Variants in MGMT observed in about 807,000 individuals in gnomAD.
MGMT encodes O-6-methylguanine-DNA methyltransferase.
A neutral mutation model predicts 15.9 loss-of-function variants in MGMT; 14 were observed. That is an observed-to-expected ratio of 0.88 (90% CI 0.58 to 1.37). The LOEUF is 1.37. Ranked by LOEUF, MGMT falls within the 40% of genes most tolerant of loss-of-function variation. MGMT has a pLI of 0.00. For synonymous variants in MGMT, 130 were observed against 118.2 expected, an observed-to-expected ratio of 1.10 and a Z score of -0.65; for missense variants, 282 against 268.1, an observed-to-expected ratio of 1.05 and a Z score of -0.36.
At chr10:129,580,513 A>C (rs1589877615) in intron 2 of MGMT, among the ~76,000 whole-genome samples, 1 of 152,264 alleles carries the variant, frequency 6.6e-6, no homozygotes, top group African/African-American at 2.4e-5. Flanking sequence ...TTCTAGGTCT[A>C]GACGTTCCTA....
intron 3 of MGMT, among the ~76,000 whole-genome samples, chr10:129,708,337 A>G (rs544391281): frequency 6.6e-6 from 1 of 152,324 alleles, no homozygotes; most frequent in Middle Eastern, 3.4e-3. Context: ...ACACATCTGA[A>G]TGGCAGTAAA....
chr10:129,667,207 T>C (rs1432807929), intron 2 of MGMT, among the ~76,000 whole-genome samples: 2 of 152,160 alleles, frequency 1.3e-5, no homozygotes, highest in Non-Finnish European at 2.9e-5. Context: ...TTTCTTCCCA[T>C]CTTTTCCTGC....
chr10:129,728,055 C>A (rs1420597239), intron 3 of MGMT, among the ~76,000 whole-genome samples: 1 of 152,156 alleles, frequency 6.6e-6, no homozygotes, highest in African/African-American at 2.4e-5. Context: ...TGAGGAGCTA[C>A]TCAAGGCATG....
intron 2 of MGMT, among the ~76,000 whole-genome samples, chr10:129,690,586 G>T (rs1210178185): frequency 6.6e-6 from 1 of 152,204 alleles, no homozygotes; most frequent in Non-Finnish European, 1.5e-5. Context: ...TGGGCTGCAC[G>T]CATGCTGGTC....
At chr10:129,700,109 T>C (rs1187315940) in intron 2 of MGMT, 3 of 152,194 alleles carry the variant, frequency 2.0e-5, no homozygotes, top group Non-Finnish European at 4.4e-5. Context: ...GGCGCATGAA[T>C]CACTGAGAAC....
At chr10:129,517,730 G>A (rs1227660516) in intron 1 of MGMT, among the ~76,000 whole-genome samples, 1 of 152,180 alleles carries the variant, frequency 6.6e-6, no homozygotes, top group Non-Finnish European at 1.5e-5. Context: ...TTTGCTCAGG[G>A]TGGGCTGAGG....
chr10:129,536,137 TG>T (rs1845980847), intron 1 of MGMT, 103 bp from the exon 2 acceptor site: 5 of 1,287,632 alleles, frequency 3.9e-6, no homozygotes, highest in South Asian at 1.3e-5. Context: ...GGAAGAGCTT[TG>T]GAATATATTT....
chr10:129,599,752 A>T (rs892583705), intron 2 of MGMT, among the ~76,000 whole-genome samples: 4 of 152,184 alleles, frequency 2.6e-5, no homozygotes, highest in African/African-American at 9.7e-5. Context: ...GGGTGTGCAT[A>T]TCTTTCTCTT....
chr10:129,698,823 AAGTT>A lies in MGMT; in HGVS notation c.126-9069_126-9066del, dbSNP rs374389856. ...AAATAATTAGTTTCAGTGAAAGAAT[AAGTT>A]AGCATATTGTATGCATCTAATGTTG... On this transcript the variant is annotated intron_variant, in intron 2 of 4. Coordinates refer to ENST00000651593, the MANE Select transcript of MGMT (RefSeq NM_002412.5). 3.0e-3 allele frequency among the ~76,000 whole-genome samples: 453 copies of A among 152,354 alleles called. 4 individuals are homozygous for A. The South Asian group carries it at 0.031, about 11-fold the overall frequency.
At chr10:129,570,830 T>C (rs1315128220) in intron 2 of MGMT, among the ~76,000 whole-genome samples, 1 of 152,198 alleles carries the variant, frequency 6.6e-6, no homozygotes, top group Non-Finnish European at 1.5e-5. Flanking sequence ...TAGACATTAA[T>C]TTAAAAATTC....
chr10:129,620,841 C>G (rs1419287210), intron 2 of MGMT, among the ~76,000 whole-genome samples: 4 of 152,076 alleles, frequency 2.6e-5, no homozygotes, highest in African/African-American at 9.7e-5. Flanking sequence ...CTGATTTTTT[C>G]ATTTGTACTT....
chr10:129,577,305 C>A (rs980718856), intron 2 of MGMT, among the ~76,000 whole-genome samples: 2 of 151,394 alleles, frequency 1.3e-5, no homozygotes, highest in African/African-American at 4.8e-5. Context: ...GCTACAGTAA[C>A]CAAAACAGCA....
At chr10:129,476,961 C>T (rs952201783) in intron 1 of MGMT, among the ~76,000 whole-genome samples, 1 of 152,264 alleles carries the variant, frequency 6.6e-6, no homozygotes, top group South Asian at 2.1e-4. Flanking sequence ...GCCGCATGGT[C>T]CTCGCAGCCT....
At position 129,652,749 on chromosome 10, in the gene MGMT, TCTGG is replaced by T. The variant is rs1395044348; in HGVS notation, c.126-55145_126-55142del. 7.9e-5 allele frequency among the ~76,000 whole-genome samples: 12 copies of T among 152,300 alleles called. No individual in the cohort carries two copies. In the South Asian group the frequency reaches 1.0e-3, roughly 13 times the overall value. On this transcript the variant is annotated intron_variant, in intron 2 of 4. Coordinates refer to ENST00000651593, the MANE Select transcript of MGMT (RefSeq NM_002412.5). Reference sequence around the variant, plus strand: ...CAGATGGCCGGCCGGCCTGCCTGCCTCTGGGAGGCCTCAGTGCCTGTTGGATTCC... The same window carrying T: ...CAGATGGCCGGCCGGCCTGCCTGCCTGAGGCCTCAGTGCCTGTTGGATTCC...
intron 1 of MGMT, among the ~76,000 whole-genome samples, chr10:129,508,990 G>C (rs1845653787): frequency 6.6e-6 from 1 of 152,174 alleles, no homozygotes; most frequent in Admixed American, 6.5e-5. Context: ...ATAATAAAAT[G>C]AAATTCAGTA....
chr10:129,660,775 A>AACACACAC (rs10634898), intron 2 of MGMT, among the ~76,000 whole-genome samples: 46 of 149,148 alleles, frequency 3.1e-4, no homozygotes, highest in African/African-American at 1.1e-3. Flanking sequence ...CCCCACCCCC[A>AACACACAC]ACACACACAC....
intron 2 of MGMT, among the ~76,000 whole-genome samples, chr10:129,557,919 G>C (rs1475754359): frequency 6.6e-6 from 1 of 152,182 alleles, no homozygotes; most frequent in East Asian, 1.9e-4. Context: ...TGATGAGTTG[G>C]TGTCATCTGT....
chr10:129,638,678 T>G (rs1209480892), intron 2 of MGMT, among the ~76,000 whole-genome samples: 1 of 152,114 alleles, frequency 6.6e-6, no homozygotes, highest in African/African-American at 2.4e-5. Flanking sequence ...CAGCTAAAAC[T>G]TTAAAATATG....
chr10:129,691,672 G>A (rs181078877), intron 2 of MGMT, among the ~76,000 whole-genome samples: 11 of 152,262 alleles, frequency 7.2e-5, no homozygotes, highest in Admixed American at 3.3e-4. Flanking sequence ...GGAGGGGCCC[G>A]GGAGTGTGCC....
Sources: gnomAD v4.1 joint callset for allele counts (sites outside exome capture counted in the v4.1 genomes callset) on GRCh38, gnomAD v4.1.1 for gene constraint, MANE v1.5 for transcripts, NCBI Gene and HGNC (gene_info 2026-07-23, HGNC 2026-07-21) for gene names.